Variants in LAMA3 observed in about 807,000 individuals in gnomAD.
LAMA3 encodes the protein laminin subunit alpha 3, also known as laminin subunit alpha-3.
LAMA3 carries 281 observed loss-of-function variants against 402.0 expected under a neutral mutation model. That is an observed-to-expected ratio of 0.70 (90% CI 0.63 to 0.77). The LOEUF is 0.77. Ranked by LOEUF, LAMA3 falls within the 30% of genes least tolerant of loss-of-function variation. The pLI is 0.00. For missense variants in LAMA3, 3,840 were observed against 4,215.5 expected, an observed-to-expected ratio of 0.91 and a Z score of 2.47; for synonymous variants, 1,431 against 1,558.4, an observed-to-expected ratio of 0.92 and a Z score of 1.93.
In LAMA3 at chr18:23,855,945, G is replaced by A. The variant is rs117927010; in HGVS notation, c.4137-1899G>A. ...TTAGTTGTGCCGAGTGGACAGAAAG[G>A]CACCGTCTCCTCCCCTTAGCCCATG... On this transcript the variant is annotated intron_variant, in intron 32 of 74. Coordinates refer to ENST00000313654, the MANE Select transcript of LAMA3 (RefSeq NM_198129.4). Among the ~76,000 whole-genome samples, 178 of 152,288 alleles carry A rather than the reference G, an allele frequency of 1.2e-3. 1 individual carries two copies. Among genetic ancestry groups the A allele is most frequent in the Middle Eastern group, 0.01 (3 of 294 alleles).
intron 2 of LAMA3, among the ~76,000 whole-genome samples, chr18:23,738,381 AAGAAGG>A (rs1469817837): frequency 1.3e-5 from 2 of 151,926 alleles, no homozygotes; most frequent in African/African-American, 4.8e-5. Context: ...TTCTGGAGAG[AAGAAGG>A]AGCGGATGTG....
intron 74 of LAMA3, among the ~76,000 whole-genome samples, chr18:23,954,261 G>C (rs1478222475): frequency 6.6e-6 from 1 of 151,976 alleles, no homozygotes; most frequent in African/African-American, 2.4e-5. Context: ...AATTAGCCCA[G>C]GGTGGTGGCC....
At chr18:23,875,922 A>G (rs1473665534) in intron 38 of LAMA3, among the ~76,000 whole-genome samples, 1 of 152,202 alleles carries the variant, frequency 6.6e-6, no homozygotes. Flanking sequence ...CCACCAGGGC[A>G]TGAAAACCAA....
At chr18:23,792,425 C>A (rs1961945142) in intron 12 of LAMA3, among the ~76,000 whole-genome samples, 1 of 152,064 alleles carries the variant, frequency 6.6e-6, no homozygotes, top group African/African-American at 2.4e-5. Context: ...GAGAGAGAGT[C>A]CAGGAAGCCA....
chr18:23,932,510 T>C (rs755878711), intron 66 of LAMA3: 20 of 495,552 alleles, frequency 4.0e-5, no homozygotes, highest in Non-Finnish European at 7.3e-6. Flanking sequence ...AGCGTTAGCA[T>C]GTAACCTTGG....
intron 73 of LAMA3, 130 bp downstream of exon 73, chr18:23,951,907 C>T (rs557824725): frequency 2.1e-5 from 15 of 719,406 alleles, no homozygotes; most frequent in African/African-American, 5.2e-5. Flanking sequence ...CCGAGGCTAA[C>T]GTGTCCATTC....
Position 23,943,889 on chromosome 18 carries a change from G to T in LAMA3, c.9128G>T (p.Arg3043Leu), listed in dbSNP as rs752625480. 3 of 1,613,930 alleles carry T rather than the reference G, an allele frequency of 1.9e-6. No individual in the cohort carries two copies. The highest frequency in any genetic ancestry group is 1.6e-4 in the Middle Eastern group (1 of 6,082). ...SFMALYLSKGRLVFALGTDGK... is the reference protein window; with the variant it reads ...SFMALYLSKGLLVFALGTDGK... ...ATGGCTCTTTATCTTTCAAAAGGAC[G>T]TCTGGTCTTTGCACTGGGGACAGAT... is the stretch of plus-strand genomic sequence containing the variant. The change falls in exon 69 of 75, where the codon CGT becomes CTT. Residue 3043 changes from arginine (R) to leucine (L), a missense_variant. Coordinates refer to ENST00000313654, the MANE Select transcript of LAMA3 (RefSeq NM_198129.4).
intron 2 of LAMA3, among the ~76,000 whole-genome samples, chr18:23,721,384 C>T (rs946845557): frequency 6.6e-6 from 1 of 152,176 alleles, no homozygotes; most frequent in Admixed American, 6.5e-5. Flanking sequence ...ATTTTCAACA[C>T]ATGGGTTCCC....
At chr18:23,801,890 T>A (rs2062871956) in intron 12 of LAMA3, among the ~76,000 whole-genome samples, 1 of 152,256 alleles carries the variant, frequency 6.6e-6, no homozygotes. Flanking sequence ...ATCACATTAT[T>A]TGATTTTTTG....
intron 25 of LAMA3, among the ~76,000 whole-genome samples, chr18:23,837,540 A>G (rs930355705): frequency 1.6e-5 from 2 of 128,918 alleles, no homozygotes; most frequent in East Asian, 2.1e-4. Flanking sequence ...CTAAAAAACT[A>G]TTTCAAAAAG....
chr18:23,874,078 G>A (rs189531561), intron 38 of LAMA3, among the ~76,000 whole-genome samples: 9 of 152,240 alleles, frequency 5.9e-5, no homozygotes, highest in African/African-American at 1.9e-4. Flanking sequence ...TTTTCTGCTT[G>A]TAATCAAAAG....
chr18:23,838,815 CA>C lies in LAMA3; in HGVS notation c.3129del (p.Ala1044LeufsTer4). On this transcript the variant is annotated frameshift_variant, in exon 26 of 75. Coordinates refer to ENST00000313654, the MANE Select transcript of LAMA3 (RefSeq NM_198129.4). LOFTEE classifies it high-confidence loss of function. The stretch of plus-strand genomic sequence containing the variant: ...TGTATCATACCTATTGAAGAATTCT[CA>C]GCTGAGTATGTGAGACCACAAGTCC... Reference protein sequence around the residue: ...QVCIIPIEEFSAEYVRPQVHC... With the variant: ...QVCIIPIEEFXAEYVRPQVHC... The C allele has an allele frequency of 6.2e-7, 1 of 1,611,906 alleles. No homozygotes were observed. Among genetic ancestry groups the C allele is most frequent in the Non-Finnish European group, 8.5e-7 (1 of 1,177,974 alleles).
At chr18:23,744,957 A>G (rs2061626434) in intron 2 of LAMA3, among the ~76,000 whole-genome samples, 1 of 152,144 alleles carries the variant, frequency 6.6e-6, no homozygotes, top group Non-Finnish European at 1.5e-5. Context: ...AAATTCCGAA[A>G]TGGGAAAATA....
intron 70 of LAMA3, chr18:23,946,492 C>G: frequency 1.6e-6 from 1 of 618,984 alleles, no homozygotes; most frequent in Non-Finnish European, 2.8e-6. Flanking sequence ...GGTTGAGACG[C>G]AGGCCCTGAA....
intron 37 of LAMA3, 25 bp from the exon 38 acceptor site, chr18:23,871,406 C>A: frequency 6.2e-7 from 1 of 1,606,374 alleles, no homozygotes; most frequent in African/African-American, 1.3e-5. Context: ...TAAGGAAGAC[C>A]CTGACTTTCT....
intron 12 of LAMA3, among the ~76,000 whole-genome samples, chr18:23,804,061 A>G (rs2062915849): frequency 6.6e-6 from 1 of 152,210 alleles, no homozygotes; most frequent in Non-Finnish European, 1.5e-5. Flanking sequence ...GTCAGCTCAC[A>G]TCACATAGTG....
chr18:23,711,020 T>C (rs1161583274), intron 1 of LAMA3, among the ~76,000 whole-genome samples: 1 of 152,214 alleles, frequency 6.6e-6, no homozygotes, highest in African/African-American at 2.4e-5. Context: ...AATACAAAGT[T>C]AATCCAGAAA....
chr18:23,736,278 C>T (rs1438896007), intron 2 of LAMA3, among the ~76,000 whole-genome samples: 3 of 149,344 alleles, frequency 2.0e-5, no homozygotes, highest in Non-Finnish European at 4.4e-5. Context: ...AATGTGCTAT[C>T]ACATCTAGTT....
intron 1 of LAMA3, among the ~76,000 whole-genome samples, chr18:23,697,644 G>T (rs2145827771): frequency 6.6e-6 from 1 of 152,192 alleles, no homozygotes; most frequent in Middle Eastern, 3.4e-3. Flanking sequence ...CTGGATTTTG[G>T]ATTTTTGGAT....
Sources: allele counts gnomAD v4.1 joint callset (sites outside exome capture counted in the v4.1 genomes callset), GRCh38; gene constraint gnomAD v4.1.1; transcripts MANE v1.5; gene names NCBI Gene and HGNC (gene_info 2026-07-23, HGNC 2026-07-21).